Variants in LRBA observed in about 807,000 individuals in gnomAD.
LRBA encodes the protein LPS responsive beige-like anchor protein.
Under a neutral mutation model 330.0 loss-of-function variants are expected in LRBA, and 176 were observed. The ratio of observed to expected loss-of-function variants is 0.53; its 90% CI spans 0.47 to 0.60. LRBA has a LOEUF of 0.60. Ranked by LOEUF, LRBA falls within the 20% of genes least tolerant of loss-of-function variation. The probability of loss-of-function intolerance (pLI) is 0.00; values close to 1 mark genes in which losing one functional copy is unlikely to be tolerated. For missense variants in LRBA, 3,259 were observed against 3,444.8 expected (o/e 0.95, Z 1.35); for synonymous variants, 1,230 against 1,193.0 (o/e 1.03, Z -0.64).
At chr4:150,715,657 G>T (rs532139494) in intron 36 of LRBA, among the ~76,000 whole-genome samples, 9 of 152,296 alleles carry the variant, frequency 5.9e-5, no homozygotes, top group African/African-American at 1.9e-4. Context: ...CAATTGCCAA[G>T]TGTTAGTGAA....
rs908024493 is a variant in LRBA at position 150,294,844 on chromosome 4, C to T, written c.8017+7781G>A. ...GCGCCCACATGTAGTCCCAGCTACT[C>T]GGGAGCTAAGTCAGGAGAATTGCTT... On this transcript the variant is annotated intron_variant, in intron 53 of 56. Transcript: ENST00000651943. 4.6e-5 allele frequency among the ~76,000 whole-genome samples: 7 copies of T among 152,084 alleles called. No homozygotes were observed. The South Asian group carries it at 6.2e-4, about 14-fold the overall frequency.
intron 37 of LRBA, among the ~76,000 whole-genome samples, chr4:150,679,993 C>A (rs1782908345): frequency 6.6e-6 from 1 of 152,148 alleles, no homozygotes; most frequent in South Asian, 2.1e-4. Flanking sequence ...CTCTCCTCAT[C>A]CTTCTTACAT....
In LRBA at chr4:150,895,771, T is replaced by A. The variant is rs1427742555; in HGVS notation, c.2067+623A>T. Among the ~76,000 whole-genome samples, 5 of 152,356 alleles carry A rather than the reference T, an allele frequency of 3.3e-5. No individual in the cohort carries two copies. The East Asian group carries it at 9.7e-4, about 29-fold the overall frequency. Reference sequence around the variant, plus strand: ...GTGTGCATGTGTCTTTATGGTAGCATGATTTATAATCCTTTGGGTATATAC... The same window carrying A: ...GTGTGCATGTGTCTTTATGGTAGCAAGATTTATAATCCTTTGGGTATATAC... On this transcript the variant is annotated intron_variant, in intron 16 of 56. Coordinates refer to ENST00000651943, the MANE Select transcript of LRBA (RefSeq NM_001364905.1).
chr4:150,618,522 A>C (rs961242115), intron 37 of LRBA, among the ~76,000 whole-genome samples: 7 of 152,148 alleles, frequency 4.6e-5, no homozygotes, highest in African/African-American at 1.7e-4. Flanking sequence ...TTCAACTCCT[A>C]ATCTTTGGAA....
chr4:150,965,541 C>T (rs1738780137), intron 2 of LRBA, among the ~76,000 whole-genome samples: 1 of 152,024 alleles, frequency 6.6e-6, no homozygotes, highest in Admixed American at 6.5e-5. Context: ...CATCCATCTA[C>T]CTATCTATTT....
Position 150,266,966 on chromosome 4 carries a change from G to C in LRBA, c.8469-1154C>G, listed in dbSNP as rs79698926. ...GTCAAAAACTGTTACAAGAGACAAA[G>C]GACACTACACTGAGAAAAGGGTAAA... On this transcript the variant is annotated intron_variant, in intron 56 of 56. Coordinates refer to ENST00000651943, the MANE Select transcript of LRBA (RefSeq NM_001364905.1). 4.0e-3 allele frequency among the ~76,000 whole-genome samples: 604 copies of C among 152,148 alleles called. 34 individuals carry two copies. The East Asian group carries it at 0.11, about 27-fold the overall frequency.
intron 2 of LRBA, among the ~76,000 whole-genome samples, chr4:150,974,537 T>A (rs1048646018): frequency 1.3e-5 from 2 of 152,208 alleles, no homozygotes; most frequent in African/African-American, 4.8e-5. Context: ...AAGCTTTAGT[T>A]GTACAACTAA....
At chr4:150,533,087 T>C (rs1436194288) in intron 40 of LRBA, among the ~76,000 whole-genome samples, 1 of 152,186 alleles carries the variant, frequency 6.6e-6, no homozygotes, top group Non-Finnish European at 1.5e-5. Flanking sequence ...CTGAAAAAAA[T>C]GTTCTTCTGA....
In LRBA at chr4:150,674,233, G is replaced by A. The variant is rs1450147464; in HGVS notation, c.5921+9318C>T. Among the ~76,000 whole-genome samples, 43 of 151,466 alleles carry A rather than the reference G, an allele frequency of 2.8e-4. 1 individual carries two copies. The highest frequency in any genetic ancestry group is 2.9e-5 in the Non-Finnish European group (2 of 67,850). On this transcript the variant is annotated intron_variant, in intron 37 of 56. Coordinates refer to ENST00000651943, the MANE Select transcript of LRBA (RefSeq NM_001364905.1). ...ATGAATTTGAAAACAGGCTAAAGAA[G>A]TAAAGGTAAAAATCATTAGGTAAAA...
chr4:150,310,111 AT>A (rs761757638), intron 52 of LRBA, 117 bp downstream of exon 52: 4 of 658,906 alleles, frequency 6.1e-6, no homozygotes, highest in African/African-American at 1.8e-5. Flanking sequence ...TCTTCTCCCT[AT>A]TTTGTAAATT....
chr4:150,729,116 C>A (rs1730097231), intron 36 of LRBA, among the ~76,000 whole-genome samples: 1 of 152,030 alleles, frequency 6.6e-6, no homozygotes, highest in South Asian at 2.1e-4. Flanking sequence ...CCCAGGAGTT[C>A]GAGACCAGCT....
chr4:150,581,915 A>C (rs1027816655), intron 40 of LRBA: 3 of 151,914 alleles, frequency 2.0e-5, no homozygotes, highest in Admixed American at 1.3e-4. Context: ...TAACTCCAGG[A>C]AACAGCGAGG....
In LRBA at chr4:150,265,685, T is replaced by A. The variant is rs781085391; in HGVS notation, c.*37A>T. ...AGAATGATGCTCCAGGTACTTCTGC[T>A]CATCCTAGGGGCAGAGTTGATGTAC... On this transcript the variant is annotated 3_prime_UTR_variant, in exon 57 of 57. Coordinates refer to ENST00000651943, the MANE Select transcript of LRBA (RefSeq NM_001364905.1). 46 of 1,318,540 alleles carry A rather than the reference T, an allele frequency of 3.5e-5. No homozygotes were observed. Among genetic ancestry groups the A allele is most frequent in the Non-Finnish European group, 4.6e-5 (42 of 910,478 alleles). 81.7% of individuals were successfully genotyped at this position (1,318,540 alleles called of 1,614,324 possible). A position where few individuals can be genotyped will look rare whatever the true frequency, so the allele number is the denominator to read the frequency against.
chr4:150,490,416 G>A (rs1758769672), intron 41 of LRBA, among the ~76,000 whole-genome samples: 1 of 151,746 alleles, frequency 6.6e-6, no homozygotes, highest in Non-Finnish European at 1.5e-5. Flanking sequence ...TCGTAAAACT[G>A]CAAATTAAAT....
At chr4:150,431,924 G>A (rs1218313001) in intron 46 of LRBA, among the ~76,000 whole-genome samples, 1 of 151,912 alleles carries the variant, frequency 6.6e-6, no homozygotes, top group Non-Finnish European at 1.5e-5. Flanking sequence ...TTGCTTTAGT[G>A]TAAAAAAAGG....
chr4:150,341,595 G>A (rs1400997402), intron 48 of LRBA, among the ~76,000 whole-genome samples: 1 of 151,870 alleles, frequency 6.6e-6, no homozygotes, highest in Non-Finnish European at 1.5e-5. Context: ...TTGCTTCACT[G>A]ACTTAACTCA....
intron 2 of LRBA, among the ~76,000 whole-genome samples, chr4:151,003,097 T>C (rs974180013): frequency 1.4e-5 from 2 of 147,662 alleles, no homozygotes; most frequent in East Asian, 2.0e-4. Flanking sequence ...TTCACAGAAA[T>C]AGAAAAAAAC....
chr4:150,558,372 T>G (rs1183507592), intron 40 of LRBA, among the ~76,000 whole-genome samples: 3 of 152,206 alleles, frequency 2.0e-5, no homozygotes, highest in Non-Finnish European at 2.9e-5. Context: ...TATTTCAGTA[T>G]GGACTCCTAT....
chr4:150,391,205 A>T (rs927386840), intron 47 of LRBA, among the ~76,000 whole-genome samples: 4 of 152,180 alleles, frequency 2.6e-5, no homozygotes, highest in Admixed American at 1.3e-4. Flanking sequence ...CTGCAAAAGA[A>T]CAGCAAACCC....
Sources: allele counts gnomAD v4.1 joint callset (sites outside exome capture counted in the v4.1 genomes callset), GRCh38; gene constraint gnomAD v4.1.1; transcripts MANE v1.5; gene names NCBI Gene and HGNC (gene_info 2026-07-23, HGNC 2026-07-21).